The following PSPC1 variants were observed in gnomAD, a reference collection of about 807,000 sequenced individuals.
PSPC1 encodes the protein paraspeckle component 1.
Under a neutral mutation model 51.6 loss-of-function variants are expected in PSPC1, and 14 were observed. The observed-to-expected ratio is 0.27, with a 90% CI of 0.18 to 0.42. PSPC1 has a LOEUF of 0.42. PSPC1 is among the 10% of genes least tolerant of loss of function. The pLI is 1.00. For missense variants in PSPC1, 406 were observed against 701.1 expected, an observed-to-expected ratio of 0.58 and a Z score of 4.75; for synonymous variants, 193 against 231.9, an observed-to-expected ratio of 0.83 and a Z score of 1.53.
intron 5 of PSPC1, among the ~76,000 whole-genome samples, chr13:19,736,806 T>C (rs1434710924): frequency 2.0e-5 from 3 of 152,162 alleles, no homozygotes; most frequent in Non-Finnish European, 4.4e-5. Flanking sequence ...ATTAACCCCT[T>C]GTATAACCAT....
intron 5 of PSPC1, among the ~76,000 whole-genome samples, chr13:19,735,254 G>A (rs1479584465): frequency 6.6e-6 from 1 of 151,932 alleles, no homozygotes; most frequent in Non-Finnish European, 1.5e-5. Flanking sequence ...AGAGGTTGCA[G>A]CGACCGAGAT....
intron 6 of PSPC1, among the ~76,000 whole-genome samples, chr13:19,713,117 CTA>C (rs1881643277): frequency 6.6e-6 from 1 of 152,198 alleles, no homozygotes; most frequent in Non-Finnish European, 1.5e-5. Flanking sequence ...TTACTTCCCT[CTA>C]TGAATGACTT....
At chr13:19,738,777 C>T (rs530258126) in intron 5 of PSPC1, among the ~76,000 whole-genome samples, 6 of 151,960 alleles carry the variant, frequency 3.9e-5, no homozygotes, top group African/African-American at 1.4e-4. Context: ...CATGGTGGCA[C>T]GCGTCTATAG....
chr13:19,744,812 C>T (rs759351335), intron 4 of PSPC1, among the ~76,000 whole-genome samples: 2 of 152,184 alleles, frequency 1.3e-5, no homozygotes, highest in African/African-American at 2.4e-5. Context: ...ATCCACCCGC[C>T]TTGGCCTTCC....
chr13:19,677,548 C>T lies in PSPC1; in HGVS notation c.*76+176G>A, dbSNP rs17085623. Reference sequence around the variant, plus strand: ...ACGAAGACAGGCCAAGCTATAGAGGCTTCAGCTTCACCTATAAACTGTTCA... The same window carrying T: ...ACGAAGACAGGCCAAGCTATAGAGGTTTCAGCTTCACCTATAAACTGTTCA... On this transcript the variant is annotated intron_variant and NMD_transcript_variant, in intron 7 of 7. Coordinates refer to the PSPC1 transcript ENST00000471658. Among the ~76,000 whole-genome samples, 1,337 of 152,328 alleles carry T rather than the reference C, an allele frequency of 8.8e-3. 23 individuals are homozygous for T. Among genetic ancestry groups the T allele is most frequent in the African/African-American group, 0.03 (1,259 of 41,564 alleles).
intron 3 of PSPC1, among the ~76,000 whole-genome samples, chr13:19,755,387 A>T (rs942156708): frequency 6.6e-6 from 1 of 152,132 alleles, no homozygotes; most frequent in Non-Finnish European, 1.5e-5. Context: ...CGGGAGTTCG[A>T]GACCAACCTG....
Position 19,740,304 on chromosome 13 carries a change from T to C in PSPC1, c.1052+1261A>G, listed in dbSNP as rs879417375. ...GTTGCTGTGAGCCGAGATCGCGCCATTGCACTCCAGCCTGGGCAACAAGAG... is the reference window on the plus strand; with the variant it reads ...GTTGCTGTGAGCCGAGATCGCGCCACTGCACTCCAGCCTGGGCAACAAGAG... On this transcript the variant is annotated intron_variant, in intron 5 of 8. Transcript: ENST00000338910. Among the ~76,000 whole-genome samples the C allele has an allele frequency of 1.2e-3, 189 of 151,558 alleles. 1 individual carries two copies. The highest frequency in any genetic ancestry group is 2.1e-3 in the Non-Finnish European group (143 of 67,924).
intron 4 of PSPC1, among the ~76,000 whole-genome samples, chr13:19,742,758 A>C (rs1885564414): frequency 6.6e-6 from 1 of 152,086 alleles, no homozygotes; most frequent in Admixed American, 6.6e-5. Flanking sequence ...AACAAATTGT[A>C]ATTGTTTTCA....
chr13:19,688,462 TAAGTA>T (rs374392154), intron 6 of PSPC1, among the ~76,000 whole-genome samples: 396 of 152,356 alleles, frequency 2.6e-3, no homozygotes, highest in Non-Finnish European at 4.3e-3. Context: ...CATGCATATG[TAAGTA>T]AAGTCCAAGT....
At chr13:19,734,364 G>A (rs1474005356) in intron 5 of PSPC1, among the ~76,000 whole-genome samples, 1 of 152,098 alleles carries the variant, frequency 6.6e-6, no homozygotes, top group Non-Finnish European at 1.5e-5. Context: ...ATTATTTACA[G>A]GTCTCAAATA....
chr13:19,698,584 T>C (rs1879522209), downstream of PSPC1, among the ~76,000 whole-genome samples: 1 of 151,938 alleles, frequency 6.6e-6, no homozygotes, highest in African/African-American at 2.4e-5. Context: ...AACTACCTCA[T>C]GTGAAATTTG....
rs1322523909 is a variant in PSPC1, at chr13:19,782,450, T to C, written c.308A>G (p.Glu103Gly). The C allele has an allele frequency of 6.2e-7, 1 of 1,610,546 alleles. No individual in the cohort carries two copies. Among genetic ancestry groups the C allele is most frequent in the Non-Finnish European group, 8.5e-7 (1 of 1,178,446 alleles). The change falls in exon 1 of 9, where the codon GAA (glutamate) becomes GGA (glycine). Residue 103 changes from glutamate to glycine, a missense_variant. Glu to Gly is a moderately conservative substitution (Grantham distance 98). Coordinates refer to ENST00000338910, the MANE Select transcript of PSPC1 (RefSeq NM_001354909.2). This position sits in a 1 kb window ranked among gnomAD's most constrained non-coding sequence, Gnocchi z 4.5. ...GACTTCGCTGGGCTCGCCATAGCGTTCGAAGAGCCTCTTGAAGTCCTCCTC... is the reference window on the plus strand; with the variant it reads ...GACTTCGCTGGGCTCGCCATAGCGTCCGAAGAGCCTCTTGAAGTCCTCCTC... The part of the protein sequence containing the change: ...ITEEDFKRLF[E>G]RYGEPSEVFI...
intron 6 of PSPC1, among the ~76,000 whole-genome samples, chr13:19,679,824 C>T (rs1445887055): frequency 6.6e-6 from 1 of 152,076 alleles, no homozygotes; most frequent in East Asian, 1.9e-4. Flanking sequence ...TAAACAGAAC[C>T]ATAAACCAAA....
chr13:19,706,617 T>C (rs1880706061), intron 7 of PSPC1, among the ~76,000 whole-genome samples: 1 of 152,182 alleles, frequency 6.6e-6, no homozygotes, highest in African/African-American at 2.4e-5. Context: ...TAATAGTGTT[T>C]GCACTGTAAT....
At chr13:19,747,067 C>T (rs1469420989) in intron 4 of PSPC1, among the ~76,000 whole-genome samples, 2 of 152,144 alleles carry the variant, frequency 1.3e-5, no homozygotes, top group Non-Finnish European at 2.9e-5. Context: ...GAGATGGCGC[C>T]ATTTCACTCC....
rs369293187 is a variant in PSPC1 at position 19,782,189 on chromosome 13, C to T, written c.372+197G>A. ...CGGCCACTGTGAGCGCAGGAAATCCCGGGACCGTGAACTCGAAACCAAAGG... is the reference window on the plus strand; with the variant it reads ...CGGCCACTGTGAGCGCAGGAAATCCTGGGACCGTGAACTCGAAACCAAAGG... On this transcript the variant is annotated intron_variant, in intron 1 of 8. Transcript: ENST00000338910. The surrounding 1 kb of genome is among the most constrained non-coding windows in gnomAD (Gnocchi z 4.5). Among the ~76,000 whole-genome samples the T allele has an allele frequency of 4.2e-3, 635 of 152,306 alleles. 2 individuals carry two copies. The highest frequency in any genetic ancestry group is 0.015 in the African/African-American group (615 of 41,568).
chr13:19,772,852 A>C (rs755325170), intron 1 of PSPC1, among the ~76,000 whole-genome samples: 5 of 152,174 alleles, frequency 3.3e-5, no homozygotes, highest in Non-Finnish European at 7.3e-5. Context: ...TACATATATT[A>C]AGAACACATA....
At chr13:19,750,461 T>A (rs576493951) in intron 4 of PSPC1, among the ~76,000 whole-genome samples, 1,592 of 148,656 alleles carry the variant, frequency 0.011, 15 homozygotes, top group South Asian at 0.027. Context: ...CAAACAAAAA[T>A]ATATATATAT....
intron 6 of PSPC1, among the ~76,000 whole-genome samples, chr13:19,691,424 G>C (rs1043730092): frequency 1.3e-5 from 2 of 152,090 alleles, no homozygotes; most frequent in Non-Finnish European, 2.9e-5. Context: ...CCCTACTACT[G>C]AGGTGGGATG....
Sources: allele counts gnomAD v4.1 joint callset (sites outside exome capture counted in the v4.1 genomes callset), GRCh38; gene constraint gnomAD v4.1.1; non-coding constraint Gnocchi (gnomAD v3.1); transcripts MANE v1.5; gene names NCBI Gene and HGNC (gene_info 2026-07-23, HGNC 2026-07-21).